Variants in COMMD10 observed in about 807,000 individuals in gnomAD.
COMMD10 encodes COMM domain containing 10.
In COMMD10, 33 loss-of-function variants were observed where a neutral mutation model predicts 28.9. The observed-to-expected ratio is 1.14, with a 90% CI of 0.87 to 1.53. The LOEUF (loss-of-function observed/expected upper bound fraction) is 1.53, where lower values mean the gene tolerates loss of function less well. Ranked by LOEUF, COMMD10 falls within the 40% of genes most tolerant of loss-of-function variation. The pLI, the probability that COMMD10 is intolerant of heterozygous loss-of-function variation, is 0.00. For missense variants in COMMD10, 310 were observed against 233.4 expected (o/e 1.33, Z -2.14); for synonymous variants, 110 against 81.7 (o/e 1.35, Z -1.87).
chr5:116,125,661 A>G (rs1218288701), intron 4 of COMMD10, among the ~76,000 whole-genome samples: 1 of 152,090 alleles, frequency 6.6e-6, no homozygotes, highest in Non-Finnish European at 1.5e-5. Flanking sequence ...ACTTGGTTCC[A>G]TTCTCCCTGT....
chr5:116,198,114 C>T (rs769019585), intron 5 of COMMD10, among the ~76,000 whole-genome samples: 1 of 152,102 alleles, frequency 6.6e-6, no homozygotes, highest in Admixed American at 6.6e-5. Flanking sequence ...TTAAGTTATA[C>T]TCAGGAATGT....
At chr5:116,183,723 T>G (rs1748050930) in intron 5 of COMMD10, among the ~76,000 whole-genome samples, 1 of 152,164 alleles carries the variant, frequency 6.6e-6, no homozygotes, top group East Asian at 1.9e-4. Context: ...AATGAATGTA[T>G]AAATATAAAT....
intron 5 of COMMD10, among the ~76,000 whole-genome samples, chr5:116,200,063 T>C (rs1218661049): frequency 1.3e-5 from 2 of 152,160 alleles, no homozygotes; most frequent in Non-Finnish European, 2.9e-5. Flanking sequence ...TGTGTAATAA[T>C]CACATCATGA....
chr5:116,103,120 C>A (rs546264203), intron 4 of COMMD10, among the ~76,000 whole-genome samples: 5 of 152,246 alleles, frequency 3.3e-5, no homozygotes, highest in African/African-American at 1.2e-4. Flanking sequence ...AACAGTGCTG[C>A]AATAAACATA....
intron 5 of COMMD10, among the ~76,000 whole-genome samples, chr5:116,228,208 G>T (rs775026361): frequency 6.6e-6 from 1 of 151,882 alleles, no homozygotes; most frequent in African/African-American, 2.4e-5. Flanking sequence ...AACAGTTATT[G>T]TAGTGATTTG....
chr5:116,281,245 G>T (rs140785865), intron 5 of COMMD10, among the ~76,000 whole-genome samples: 1 of 151,630 alleles, frequency 6.6e-6, no homozygotes, highest in African/African-American at 2.4e-5. Context: ...CTAACTAATG[G>T]GAAAACAGAG....
chr5:116,152,206 A>C (rs1752551374), intron 5 of COMMD10, among the ~76,000 whole-genome samples: 1 of 152,158 alleles, frequency 6.6e-6, no homozygotes, highest in Admixed American at 6.6e-5. Flanking sequence ...GTTTGATTGC[A>C]CTGTGGTCTG....
intron 5 of COMMD10, among the ~76,000 whole-genome samples, chr5:116,240,162 G>A (rs982182710): frequency 1.3e-5 from 2 of 151,792 alleles, no homozygotes; most frequent in Non-Finnish European, 2.9e-5. Flanking sequence ...AAGTGAATAA[G>A]GTACATAAAT....
At chr5:116,091,763 G>A (rs1750303995) in intron 3 of COMMD10, among the ~76,000 whole-genome samples, 1 of 152,132 alleles carries the variant, frequency 6.6e-6, no homozygotes, top group African/African-American at 2.4e-5. Flanking sequence ...GTGGGGAGCA[G>A]GATCATATTT....
intron 4 of COMMD10, among the ~76,000 whole-genome samples, chr5:116,127,167 A>G (rs1412497832): frequency 6.6e-6 from 1 of 152,260 alleles, no homozygotes; most frequent in African/African-American, 2.4e-5. Context: ...CAACAGACAC[A>G]TGAAAAAATG....
intron 5 of COMMD10, among the ~76,000 whole-genome samples, chr5:116,274,240 C>T (rs1750842677): frequency 6.6e-6 from 1 of 151,814 alleles, no homozygotes; most frequent in South Asian, 2.1e-4. Flanking sequence ...AATATGGATG[C>T]TTATTAGGTC....
intron 5 of COMMD10, among the ~76,000 whole-genome samples, chr5:116,143,854 T>A (rs906440887): frequency 7.9e-5 from 12 of 151,852 alleles, no homozygotes; most frequent in Non-Finnish European, 1.5e-4. Flanking sequence ...ATAGGCAGGT[T>A]TTATTTTCTG....
At chr5:116,265,650 TA>T (rs1750564808) in intron 5 of COMMD10, among the ~76,000 whole-genome samples, 1 of 151,740 alleles carries the variant, frequency 6.6e-6, no homozygotes, top group Non-Finnish European at 1.5e-5. Flanking sequence ...ATGTGGAACA[TA>T]AAAAATGATG....
intron 5 of COMMD10, among the ~76,000 whole-genome samples, chr5:116,258,788 A>G (rs1392324220): frequency 6.6e-6 from 1 of 151,558 alleles, no homozygotes; most frequent in Non-Finnish European, 1.5e-5. Flanking sequence ...AGGATGCCAT[A>G]TTATTAATGC....
At chr5:116,281,858 G>C (rs1226185594) in intron 5 of COMMD10, among the ~76,000 whole-genome samples, 1 of 151,806 alleles carries the variant, frequency 6.6e-6, no homozygotes, top group Non-Finnish European at 1.5e-5. Flanking sequence ...CTGGATATTG[G>C]AATTTCCTTA....
intron 4 of COMMD10, among the ~76,000 whole-genome samples, chr5:116,128,647 A>G (rs1751746091): frequency 1.3e-5 from 2 of 151,964 alleles, no homozygotes; most frequent in South Asian, 4.1e-4. Flanking sequence ...GAGATTTTTC[A>G]TCTTTGTATA....
chr5:116,232,676 C>T (rs1205930865), intron 5 of COMMD10, among the ~76,000 whole-genome samples: 1 of 150,774 alleles, frequency 6.6e-6, no homozygotes, highest in Non-Finnish European at 1.5e-5. Context: ...GCACTCCAGC[C>T]TGGGCAACAG....
At chr5:116,166,284 C>T (rs914402185) in intron 5 of COMMD10, among the ~76,000 whole-genome samples, 5 of 152,060 alleles carry the variant, frequency 3.3e-5, no homozygotes, top group Admixed American at 6.6e-5. Flanking sequence ...ATTTGTAGAG[C>T]TTAAGGACTT....
In COMMD10 at chr5:116,120,570, C is replaced by A. The variant is rs193171930; in HGVS notation, c.400-13498C>A. Among the ~76,000 whole-genome samples the A allele has an allele frequency of 4.3e-3, 654 of 152,166 alleles. 2 individuals are homozygous for A. The highest frequency in any genetic ancestry group is 6.8e-3 in the African/African-American group (282 of 41,490). On this transcript the variant is annotated intron_variant, in intron 4 of 6. Transcript: ENST00000274458. ...CCCTCAAAAGTTTCATTTTCCTTTG[C>A]AGTCCCTTACTGCCCTAACCTAGCC...
Sources: gnomAD v4.1 joint callset for allele counts (sites outside exome capture counted in the v4.1 genomes callset) on GRCh38, gnomAD v4.1.1 for gene constraint, MANE v1.5 for transcripts, NCBI Gene and HGNC (gene_info 2026-07-23, HGNC 2026-07-21) for gene names.